Variants in EPHA6 observed in about 807,000 individuals in gnomAD.
EPHA6 encodes the protein EPH receptor A6, also known as ephrin type-A receptor 6.
A neutral mutation model predicts 112.0 loss-of-function variants in EPHA6; 50 were observed. That is an observed-to-expected ratio of 0.45 (90% CI 0.36 to 0.56). The LOEUF (loss-of-function observed/expected upper bound fraction) is 0.56, where lower values mean the gene tolerates loss of function less well. EPHA6 is among the 20% of genes least tolerant of loss of function. The pLI, the probability that EPHA6 is intolerant of heterozygous loss-of-function variation, is 0.00. For missense variants in EPHA6, 1,280 were observed against 1,417.4 expected, an observed-to-expected ratio of 0.90 and a Z score of 1.56; for synonymous variants, 529 against 490.7, an observed-to-expected ratio of 1.08 and a Z score of -1.03.
chr3:97,745,507 G>A (rs964156287), intron 16 of EPHA6: 13 of 365,216 alleles, frequency 3.6e-5, no homozygotes, highest in South Asian at 2.6e-4. Flanking sequence ...AAAAAGGACA[G>A]AAGTCACTGT....
chr3:97,333,551 G>C (rs1253471655), intron 5 of EPHA6, among the ~76,000 whole-genome samples: 1 of 135,582 alleles, frequency 7.4e-6, no homozygotes, highest in Non-Finnish European at 1.5e-5. Flanking sequence ...ATGGCTCACT[G>C]TACCCTTGAT....
chr3:97,581,594 G>C (rs1325636286), intron 11 of EPHA6, among the ~76,000 whole-genome samples: 1 of 152,198 alleles, frequency 6.6e-6, no homozygotes, highest in African/African-American at 2.4e-5. Flanking sequence ...TTTTGTGCCA[G>C]GCACTTTATA....
chr3:97,639,138 T>C (rs1376558617), intron 14 of EPHA6, among the ~76,000 whole-genome samples: 1 of 152,066 alleles, frequency 6.6e-6, no homozygotes, highest in African/African-American at 2.4e-5. Flanking sequence ...CAAAGAAATA[T>C]AGTTCTAAGG....
At chr3:97,051,716 C>G (rs2045690799) in intron 3 of EPHA6, among the ~76,000 whole-genome samples, 1 of 152,114 alleles carries the variant, frequency 6.6e-6, no homozygotes, top group African/African-American at 2.4e-5. Context: ...TTCTGTGGTT[C>G]TCAATCTTGG....
At chr3:97,559,802 G>T (rs1033846503) in intron 11 of EPHA6, 17 of 324,070 alleles carry the variant, frequency 5.2e-5, no homozygotes, top group African/African-American at 3.5e-4. Flanking sequence ...CCCTTAGTCA[G>T]CTATCTCATT....
intron 1 of EPHA6, among the ~76,000 whole-genome samples, chr3:96,829,885 G>T (rs1216086341): frequency 6.6e-6 from 1 of 150,402 alleles, no homozygotes; most frequent in African/African-American, 2.4e-5. Context: ...AAACTTTCAG[G>T]CAGTTGTTTA....
intron 5 of EPHA6, among the ~76,000 whole-genome samples, chr3:97,347,509 G>T (rs534992323): frequency 6.6e-6 from 1 of 152,088 alleles, no homozygotes; most frequent in South Asian, 2.1e-4. Flanking sequence ...TTGAGTACAG[G>T]AGAGAATCAT....
At chr3:96,986,071 A>T (rs1490541866) in intron 2 of EPHA6, among the ~76,000 whole-genome samples, 1 of 152,336 alleles carries the variant, frequency 6.6e-6, no homozygotes, top group African/African-American at 2.4e-5. Flanking sequence ...CAAAAATGCC[A>T]TAAGGTTACC....
intron 5 of EPHA6, among the ~76,000 whole-genome samples, chr3:97,307,072 C>T (rs2081351618): frequency 2.6e-5 from 4 of 151,712 alleles, no homozygotes; most frequent in Admixed American, 2.0e-4. Context: ...TTCTAGTAGC[C>T]AAGCTCATCT....
intron 3 of EPHA6, among the ~76,000 whole-genome samples, chr3:97,018,843 GCGGGTGTTTTTC>G (rs975021007): frequency 4.6e-5 from 7 of 152,272 alleles, no homozygotes; most frequent in African/African-American, 1.7e-4. Context: ...CTGCTAAGTA[GCGGGTGTTTTTC>G]CTTGACACGC....
At chr3:97,699,401 G>A (rs770325316) in intron 14 of EPHA6, among the ~76,000 whole-genome samples, 1 of 152,092 alleles carries the variant, frequency 6.6e-6, no homozygotes, top group Non-Finnish European at 1.5e-5. Flanking sequence ...AGCACTTTGG[G>A]TGCATTCTCT....
intron 2 of EPHA6, among the ~76,000 whole-genome samples, chr3:96,968,077 A>G (rs1370152495): frequency 6.6e-6 from 1 of 151,552 alleles, no homozygotes; most frequent in Non-Finnish European, 1.5e-5. Context: ...TCTGTAGTTT[A>G]CAATGTAGTT....
chr3:97,083,244 C>T (rs899294467), intron 3 of EPHA6, among the ~76,000 whole-genome samples: 1 of 152,022 alleles, frequency 6.6e-6, no homozygotes, highest in Admixed American at 6.6e-5. Flanking sequence ...CTGCCTCTGC[C>T]TGGCATTCCT....
At position 97,637,936 on chromosome 3, in the gene EPHA6, A is replaced by T. The variant is rs1560215234; in HGVS notation, c.2638A>T (p.Met880Leu). The change falls in exon 14 of 18, where the codon ATG (methionine) becomes TTG (leucine). Residue 880 changes from methionine (M) to leucine (L), a missense_variant. Physicochemically the swap from Met to Leu is conservative, Grantham distance 15. Transcript: ENST00000389672. The stretch of plus-strand genomic sequence containing the variant: ...AATGCTCCGAGGCATTGCATCAGGC[A>T]TGAAGTATCTTTCTGATATGGGTTA... The part of the protein sequence containing the change: ...VGMLRGIASG[M>L]KYLSDMGYVH... 6.2e-7 allele frequency: 1 copy of T among 1,613,976 alleles called. No homozygotes were observed. Among genetic ancestry groups the T allele is most frequent in the Non-Finnish European group, 8.5e-7 (1 of 1,179,846 alleles).
intron 5 of EPHA6, among the ~76,000 whole-genome samples, chr3:97,281,839 G>A (rs1312643677): frequency 6.6e-6 from 1 of 152,086 alleles, no homozygotes; most frequent in African/African-American, 2.4e-5. Context: ...ATAAGTCAGG[G>A]CCTATAACTT....
intron 2 of EPHA6, among the ~76,000 whole-genome samples, chr3:96,900,054 G>A (rs1037631416): frequency 2.0e-5 from 3 of 152,112 alleles, no homozygotes; most frequent in Admixed American, 1.3e-4. Flanking sequence ...TACACAGGCC[G>A]TTTCCTTTTA....
intron 9 of EPHA6, among the ~76,000 whole-genome samples, chr3:97,480,699 A>G (rs1577529114): frequency 6.6e-6 from 1 of 152,304 alleles, no homozygotes; most frequent in East Asian, 1.9e-4. Context: ...TTTCTATTTG[A>G]CAAAACCGCC....
chr3:97,104,097 T>G (rs560840301), intron 3 of EPHA6, among the ~76,000 whole-genome samples: 1 of 152,122 alleles, frequency 6.6e-6, no homozygotes, highest in Admixed American at 6.6e-5. Flanking sequence ...TGAAAACAGG[T>G]ATATTTTAAC....
chr3:97,637,284 T>A (rs751169571), intron 13 of EPHA6, among the ~76,000 whole-genome samples: 14 of 152,152 alleles, frequency 9.2e-5, no homozygotes, highest in Non-Finnish European at 2.1e-4. Flanking sequence ...CTTCCCTGTA[T>A]AATGAAAAAA....
Sources: gnomAD v4.1 joint callset for allele counts (sites outside exome capture counted in the v4.1 genomes callset) on GRCh38, gnomAD v4.1.1 for gene constraint, MANE v1.5 for transcripts, NCBI Gene and HGNC (gene_info 2026-07-23, HGNC 2026-07-21) for gene names.